The following DOCK8 variants were observed in gnomAD, a reference collection of about 807,000 sequenced individuals.
The protein encoded by DOCK8 is dedicator of cytokinesis 8.
Under a neutral mutation model 245.6 loss-of-function variants are expected in DOCK8, and 141 were observed. The observed-to-expected ratio is 0.57, with a 90% CI of 0.50 to 0.66. The LOEUF is 0.66. Among genes scored for constraint, DOCK8 ranks in the 30% least tolerant of loss-of-function variants. The pLI, the probability that DOCK8 is intolerant of heterozygous loss-of-function variation, is 0.00. For missense variants in DOCK8, 2,965 were observed against 2,603.4 expected, an observed-to-expected ratio of 1.14 and a Z score of -3.02; for synonymous variants, 1,168 against 970.2, an observed-to-expected ratio of 1.20 and a Z score of -3.79.
At chr9:331,451 C>T (rs912525733) in intron 9 of DOCK8, among the ~76,000 whole-genome samples, 3 of 152,112 alleles carry the variant, frequency 2.0e-5, no homozygotes, top group African/African-American at 7.2e-5. Context: ...CCATAAATGC[C>T]CCTTTATCAT....
At chr9:352,115 G>C (rs897930273) in intron 14 of DOCK8, among the ~76,000 whole-genome samples, 1 of 152,094 alleles carries the variant, frequency 6.6e-6, no homozygotes, top group South Asian at 2.1e-4. Context: ...CCTAGAACTC[G>C]GGGAATGGGA....
At chr9:335,334 C>G (rs1020702359) in intron 11 of DOCK8, among the ~76,000 whole-genome samples, 1 of 152,194 alleles carries the variant, frequency 6.6e-6, no homozygotes, top group African/African-American at 2.4e-5. Context: ...GGTGGGGTTT[C>G]TCTTTCCCTA....
At chr9:265,441 C>T (rs62533367) in intron 1 of DOCK8, among the ~76,000 whole-genome samples, 13,837 of 152,210 alleles carry the variant, frequency 0.091, 649 homozygotes, top group South Asian at 0.12. Context: ...TAATACGTAT[C>T]ACTAGCTTTG....
chr9:374,823 G>A (rs144668877), intron 18 of DOCK8, among the ~76,000 whole-genome samples: 1,798 of 151,894 alleles, frequency 0.012, 17 homozygotes, highest in Non-Finnish European at 0.017. Context: ...TATAGCTCAC[G>A]TTATATTTCC....
At chr9:247,765 C>A (rs753770536) in intron 1 of DOCK8, among the ~76,000 whole-genome samples, 1 of 152,044 alleles carries the variant, frequency 6.6e-6, no homozygotes, top group Non-Finnish European at 1.5e-5. Context: ...TCTCAATCTC[C>A]TGACCTCGTG....
chr9:233,719 C>A (rs1243691978), intron 1 of DOCK8, among the ~76,000 whole-genome samples: 5 of 152,028 alleles, frequency 3.3e-5, no homozygotes. Flanking sequence ...AGGATTGCAA[C>A]CCCTGCCTTT....
At chr9:285,576 T>C (rs2048788799) in intron 2 of DOCK8, among the ~76,000 whole-genome samples, 1 of 152,192 alleles carries the variant, frequency 6.6e-6, no homozygotes, top group Non-Finnish European at 1.5e-5. Context: ...GGGATTCTTT[T>C]ACTTTCTTAG....
chr9:230,556 G>A (rs1317282073), intron 1 of DOCK8, among the ~76,000 whole-genome samples: 4 of 151,996 alleles, frequency 2.6e-5, no homozygotes, highest in Admixed American at 6.6e-5. Context: ...ATCCTCTCCG[G>A]CACCTGTTGT....
chr9:393,977 A>G (rs914268071), intron 24 of DOCK8, among the ~76,000 whole-genome samples: 1 of 152,212 alleles, frequency 6.6e-6, no homozygotes, highest in Admixed American at 6.5e-5. Flanking sequence ...AGAGTATAGC[A>G]GAGTAACTGG....
chr9:281,125 A>G (rs374202279), intron 2 of DOCK8, among the ~76,000 whole-genome samples: 1 of 152,070 alleles, frequency 6.6e-6, no homozygotes, highest in Non-Finnish European at 1.5e-5. Context: ...GTGGTGGCGC[A>G]TGCCTGTAAT....
rs756275384 is a variant in DOCK8 at position 386,340 on chromosome 9, C to G, written c.2788C>G (p.Arg930Gly). 6.2e-7 allele frequency: 1 copy of G among 1,613,518 alleles called. No individual in the cohort carries two copies. Among genetic ancestry groups the G allele is most frequent in the Non-Finnish European group, 8.5e-7 (1 of 1,179,712 alleles). ...KNIMSSKIADRNCSRMSYYCS... is the reference protein window; with the variant it reads ...KNIMSSKIADGNCSRMSYYCS... ...GGTTTGTGTATTTTAGATCGCCGATCGCAACTGCAGCCGAATGTCTTACTA... is the reference window on the plus strand; with the variant it reads ...GGTTTGTGTATTTTAGATCGCCGATGGCAACTGCAGCCGAATGTCTTACTA... The change falls in exon 23 of 48, where the codon CGC becomes GGC. Residue 930 changes from arginine to glycine, a missense_variant. Physicochemically the swap from Arg to Gly is moderately radical, Grantham distance 125 (BLOSUM62 -2). This residue lies in a region of DOCK8 where 2,825 missense variants were observed against 2,453.5 expected (regional missense o/e 1.15). Coordinates refer to ENST00000432829, the MANE Select transcript of DOCK8 (RefSeq NM_203447.4).
chr9:356,214 A>G (rs895266126), intron 14 of DOCK8, among the ~76,000 whole-genome samples: 2 of 152,140 alleles, frequency 1.3e-5, no homozygotes, highest in African/African-American at 4.8e-5. Flanking sequence ...TGTCTTGTCA[A>G]TCTTAAGAAA....
At chr9:224,138 G>A (rs1256395841) in intron 1 of DOCK8, among the ~76,000 whole-genome samples, 1 of 152,148 alleles carries the variant, frequency 6.6e-6, no homozygotes, top group Non-Finnish European at 1.5e-5. Flanking sequence ...GCATGGTACT[G>A]CATACAGGAA....
At chr9:312,838 TCAG>T in intron 6 of DOCK8, 2 of 195,762 alleles carry the variant, frequency 1.0e-5, no homozygotes, top group South Asian at 9.3e-5. Flanking sequence ...TAGGAGGCTC[TCAG>T]TTTTCCCCTC....
chr9:355,276 T>C (rs2052381029), intron 14 of DOCK8, among the ~76,000 whole-genome samples: 1 of 146,118 alleles, frequency 6.8e-6, no homozygotes, highest in Non-Finnish European at 1.5e-5. Context: ...CAATCTCAGC[T>C]CACTGCAACC....
At chr9:238,921 C>T (rs1288256919) in intron 1 of DOCK8, among the ~76,000 whole-genome samples, 4 of 151,772 alleles carry the variant, frequency 2.6e-5, no homozygotes, top group Admixed American at 6.6e-5. Context: ...CTGGCCAGGA[C>T]GCCATCCTAT....
Position 341,057 on chromosome 9 carries a change from C to T in DOCK8, c.1679+736C>T, listed in dbSNP as rs1486085922. On this transcript the variant is annotated intron_variant, in intron 14 of 47. Coordinates refer to ENST00000432829, the MANE Select transcript of DOCK8 (RefSeq NM_203447.4). Reference sequence around the variant, plus strand: ...AATAACATAATAATAGCACACATTCCAATAGCATTTACAGCAATAACAGAA... The same window carrying T: ...AATAACATAATAATAGCACACATTCTAATAGCATTTACAGCAATAACAGAA... Among the ~76,000 whole-genome samples, 3 of 152,206 alleles carry T rather than the reference C, an allele frequency of 2.0e-5. No homozygotes were observed. The East Asian group carries it at 5.8e-4, about 29-fold the overall frequency.
At chr9:431,633 C>T (rs1055759020) in intron 36 of DOCK8, among the ~76,000 whole-genome samples, 1 of 152,074 alleles carries the variant, frequency 6.6e-6, no homozygotes, top group Non-Finnish European at 1.5e-5. Flanking sequence ...CTCAGCCTCT[C>T]GAGTAGCTGG....
At chr9:213,928 A>C (rs925873444), upstream of DOCK8, 1 of 151,992 alleles carries the variant, frequency 6.6e-6, no homozygotes, top group Non-Finnish European at 1.5e-5. Context: ...GGGTTTCACC[A>C]CGTTGGCCAG....
Sources: gnomAD v4.1 joint callset for allele counts (sites outside exome capture counted in the v4.1 genomes callset) on GRCh38, gnomAD v4.1.1 for gene constraint, gnomAD v4.1.1 regional missense constraint, MANE v1.5 for transcripts, NCBI Gene and HGNC (gene_info 2026-07-23, HGNC 2026-07-21) for gene names.